Variants in NTAN1 observed in about 807,000 individuals in gnomAD.
The protein encoded by NTAN1 is N-terminal asparagine amidase, also known as protein N-terminal asparagine amidohydrolase.
A neutral mutation model predicts 41.9 loss-of-function variants in NTAN1; 32 were observed. That is an observed-to-expected ratio of 0.76 (90% CI 0.58 to 1.03). The LOEUF (loss-of-function observed/expected upper bound fraction) is 1.03, where lower values mean the gene tolerates loss of function less well. Among genes scored for constraint, NTAN1 ranks in the 50% least tolerant of loss-of-function variants. NTAN1 has a pLI of 0.00. For missense variants in NTAN1, 377 were observed against 377.5 expected (o/e 1.00, Z 0.01); for synonymous variants, 140 against 139.5 (o/e 1.00, Z -0.03).
At chr16:15,040,643 G>C (rs371746675) in intron 7 of NTAN1, among the ~76,000 whole-genome samples, 1 of 152,114 alleles carries the variant, frequency 6.6e-6, no homozygotes, top group East Asian at 1.9e-4. Context: ...ACACTTTGGA[G>C]GATTTCTGTT....
intron 1 of NTAN1, among the ~76,000 whole-genome samples, chr16:15,051,676 C>T (rs2044295041): frequency 6.8e-6 from 1 of 147,662 alleles, no homozygotes; most frequent in African/African-American, 2.5e-5. Context: ...AGCCACTGTG[C>T]CCAGCCTCTA....
chr16:15,050,340 A>G (rs1298146847), intron 1 of NTAN1, among the ~76,000 whole-genome samples: 1 of 152,210 alleles, frequency 6.6e-6, no homozygotes, highest in Non-Finnish European at 1.5e-5. Flanking sequence ...GTATGTATGT[A>G]TTGCCTACAC....
intron 6 of NTAN1, 47 bp downstream of exon 6, chr16:15,041,576 G>T: frequency 7.3e-7 from 1 of 1,360,566 alleles, no homozygotes; most frequent in Non-Finnish European, 1.1e-6. Context: ...GGGACAAAAC[G>T]GTCCTGAGAC....
chr16:15,039,654 C>G (rs1355169435), intron 8 of NTAN1, among the ~76,000 whole-genome samples: 5 of 152,308 alleles, frequency 3.3e-5, no homozygotes, highest in South Asian at 4.1e-4. Context: ...TCCCAGTTCT[C>G]CTCTCTTTGT....
At chr16:15,050,332 A>G (rs2044246130) in intron 1 of NTAN1, among the ~76,000 whole-genome samples, 1 of 152,214 alleles carries the variant, frequency 6.6e-6, no homozygotes, top group South Asian at 2.1e-4. Flanking sequence ...TAGACAACGT[A>G]TGTATGTATT....
At chr16:15,039,522 CT>C in intron 8 of NTAN1, among the ~76,000 whole-genome samples, 1 of 152,244 alleles carries the variant, frequency 6.6e-6, no homozygotes, top group East Asian at 1.9e-4. Flanking sequence ...GGGAATCAGA[CT>C]TTAAATTAAT....
Position 15,055,929 on chromosome 16 carries a change from A to C in NTAN1, c.43T>G (p.Ser15Ala). ...VEGRRVRLPQ[S>A]AGDLVRAHPP... ...TGGGCTCGGACGAGGTCCCCGGCTG[A>C]CTGCGGCAGCCGCACTCGCCGCCCC... The change falls in exon 1 of 10, where the codon TCA (serine) becomes GCA (alanine). Residue 15 changes from serine (S) to alanine (A), a missense_variant. Ser to Ala is a moderately conservative substitution (Grantham distance 99, BLOSUM62 1). Transcript: ENST00000287706. The C allele has an allele frequency of 8.1e-7, 1 of 1,232,984 alleles. No individual in the cohort carries two copies. Among genetic ancestry groups the C allele is most frequent in the Non-Finnish European group, 1.0e-6 (1 of 987,534 alleles). The allele number at this position is 1,232,984 out of a possible 1,614,324, so 76.4% of individuals were successfully genotyped here. A position where few individuals can be genotyped will look rare whatever the true frequency, so the allele number is the denominator to read the frequency against.
At position 15,044,327 on chromosome 16, in the gene NTAN1, AACTT is replaced by A. The variant is rs1429604638; in HGVS notation, c.433+3_433+6del. On this transcript the variant is annotated splice_donor_5th_base_variant and intron_variant, in intron 5 of 9. Transcript: ENST00000287706. Reference sequence around the variant, plus strand: ...ATTTGGGGGAAAGAAAAAAAAAATGAACTTACTAAGAAGTTGATGAGTGAGTTTT... The same window carrying A: ...ATTTGGGGGAAAGAAAAAAAAAATGAACTAAGAAGTTGATGAGTGAGTTTT... 14 of 1,596,196 alleles carry A rather than the reference AACTT, an allele frequency of 8.8e-6. No individual in the cohort carries two copies. Among genetic ancestry groups the A allele is most frequent in the East Asian group, 2.2e-5 (1 of 44,820 alleles).
chr16:15,039,937 T>C, intron 8 of NTAN1, 32 bp downstream of exon 8: 2 of 1,267,726 alleles, frequency 1.6e-6, no homozygotes, highest in Non-Finnish European at 1.1e-6. Flanking sequence ...TTTTTTTTTT[T>C]AACCCCTTAA....
At chr16:15,039,372 G>A (rs1389054814) in intron 8 of NTAN1, among the ~76,000 whole-genome samples, 1 of 152,120 alleles carries the variant, frequency 6.6e-6, no homozygotes, top group Non-Finnish European at 1.5e-5. Context: ...CTTTGGGGTG[G>A]CCTGAATGTG....
chr16:15,041,679 A>G lies in NTAN1; in HGVS notation c.434-3T>C, dbSNP rs1318154210. Reference sequence around the variant, plus strand: ...ATCTTCTTGCCTGTCAAATTCACCTATGATGAGAATTTTAAGACCAGAAGT... The same window carrying G: ...ATCTTCTTGCCTGTCAAATTCACCTGTGATGAGAATTTTAAGACCAGAAGT... On this transcript the variant is annotated splice_polypyrimidine_tract_variant and splice_region_variant and intron_variant, in intron 5 of 9. Transcript: ENST00000287706. 1.9e-6 allele frequency: 3 copies of G among 1,603,940 alleles called. 1 individual carries two copies. Among genetic ancestry groups the G allele is most frequent in the African/African-American group, 2.7e-5 (2 of 74,842 alleles).
intron 8 of NTAN1, among the ~76,000 whole-genome samples, chr16:15,039,103 T>C (rs1156275003): frequency 6.6e-6 from 1 of 152,200 alleles, no homozygotes; most frequent in African/African-American, 2.4e-5. Context: ...TTTAAAAGCA[T>C]ACAGTGCCTG....
chr16:15,054,716 A>T (rs1248084255), intron 1 of NTAN1, among the ~76,000 whole-genome samples: 1 of 152,128 alleles, frequency 6.6e-6, no homozygotes, highest in Non-Finnish European at 1.5e-5. Flanking sequence ...TTATGCAGCA[A>T]ATCTTTACTG....
At chr16:15,040,408 C>A (rs931471825) in intron 7 of NTAN1, 6 of 258,278 alleles carry the variant, frequency 2.3e-5, no homozygotes, top group African/African-American at 4.4e-5. Context: ...GAACTGTGAT[C>A]GTTCTGTTTG....
intron 5 of NTAN1, among the ~76,000 whole-genome samples, chr16:15,042,718 CTATTTATT>C (rs58123477): frequency 4.1e-5 from 6 of 147,004 alleles, no homozygotes; most frequent in Admixed American, 1.4e-4. Context: ...AAAGGATGAA[CTATTTATT>C]TATTTATTTA....
chr16:15,042,647 C>G (rs1054200452), intron 5 of NTAN1, among the ~76,000 whole-genome samples: 6 of 152,196 alleles, frequency 3.9e-5, no homozygotes, highest in African/African-American at 1.4e-4. Flanking sequence ...AGGTTCAAAT[C>G]TCTATGCACA....
chr16:15,038,008 C>CTTTCT lies in NTAN1; in HGVS notation c.*18_*22dup. ...AATGGTCTGTCAGGCCAAGAAGGTG[C>CTTTCT]TTTCTTTGGTAATTCATGTTTTTTA... On this transcript the variant is annotated 3_prime_UTR_variant, in exon 10 of 10. Transcript: ENST00000287706. The CTTTCT allele has an allele frequency of 1.3e-6, 2 of 1,592,458 alleles. No homozygotes were observed. Among genetic ancestry groups the CTTTCT allele is most frequent in the South Asian group, 1.1e-5 (1 of 89,412 alleles).
intron 8 of NTAN1, 34 bp from the exon 9 acceptor site, chr16:15,038,721 G>T: frequency 8.3e-7 from 1 of 1,208,448 alleles, no homozygotes; most frequent in Non-Finnish European, 1.2e-6. Flanking sequence ...AGAATTTCAG[G>T]AATGTCACCC....
At chr16:15,039,051 T>C (rs34614532) in intron 8 of NTAN1, among the ~76,000 whole-genome samples, 46,379 of 152,062 alleles carry the variant, frequency 0.31, 7,542 homozygotes, top group Admixed American at 0.44. Flanking sequence ...TGTGTTCCCA[T>C]TGCCTCATTA....
Sources: gnomAD v4.1 joint callset for allele counts (sites outside exome capture counted in the v4.1 genomes callset) on GRCh38, gnomAD v4.1.1 for gene constraint, MANE v1.5 for transcripts, NCBI Gene and HGNC (gene_info 2026-07-23, HGNC 2026-07-21) for gene names.